TTC27: variants seen among roughly 807,000 people sequenced by gnomAD.
TTC27 encodes tetratricopeptide repeat protein 27.
TTC27 carries 79 observed loss-of-function variants against 115.9 expected under a neutral mutation model. That is an observed-to-expected ratio of 0.68 (90% confidence interval 0.57 to 0.82). The LOEUF is 0.82. Among genes scored for constraint, TTC27 ranks in the 40% least tolerant of loss-of-function variants. TTC27 has a pLI of 0.00. For missense variants in TTC27, 1,054 were observed against 993.1 expected, an observed-to-expected ratio of 1.06 and a Z score of -0.82; for synonymous variants, 401 against 356.0, an observed-to-expected ratio of 1.13 and a Z score of -1.42.
chr2:32,772,131 C>T (rs1669849666), intron 13 of TTC27, among the ~76,000 whole-genome samples: 2 of 152,038 alleles, frequency 1.3e-5, no homozygotes, highest in Non-Finnish European at 2.9e-5. Context: ...TTATCTATGC[C>T]AGTTGTCTAG....
chr2:32,696,414 C>G (rs1028409049), intron 9 of TTC27, among the ~76,000 whole-genome samples: 2 of 151,928 alleles, frequency 1.3e-5, no homozygotes, highest in South Asian at 4.2e-4. Flanking sequence ...CTCAGCCTCC[C>G]GGGTAGCTGG....
chr2:32,788,606 G>C (rs1670425437), intron 16 of TTC27, among the ~76,000 whole-genome samples: 1 of 152,148 alleles, frequency 6.6e-6, no homozygotes, highest in Non-Finnish European at 1.5e-5. Context: ...TTGTCTTTCT[G>C]TTGTGAGTGG....
intron 1 of TTC27, among the ~76,000 whole-genome samples, chr2:32,629,261 A>AC (rs1186661963): frequency 6.6e-6 from 1 of 151,668 alleles, no homozygotes; most frequent in Non-Finnish European, 1.5e-5. Flanking sequence ...AGCTGGGACT[A>AC]CAGGCATGCA....
At chr2:32,734,817 C>G (rs1339319069) in intron 11 of TTC27, among the ~76,000 whole-genome samples, 1 of 151,980 alleles carries the variant, frequency 6.6e-6, no homozygotes, top group Non-Finnish European at 1.5e-5. Flanking sequence ...GAAATTATAC[C>G]AGCTAATAAC....
chr2:32,765,489 G>C (rs1669595858), intron 13 of TTC27, among the ~76,000 whole-genome samples: 1 of 151,886 alleles, frequency 6.6e-6, no homozygotes, highest in Non-Finnish European at 1.5e-5. Context: ...AGTAGGTTTA[G>C]CCTAATTCTT....
intron 9 of TTC27, among the ~76,000 whole-genome samples, chr2:32,686,616 C>G (rs973380875): frequency 2.0e-5 from 3 of 152,078 alleles, no homozygotes; most frequent in African/African-American, 7.2e-5. Context: ...CCGCCTCAGC[C>G]TCCCAAAGTG....
At chr2:32,651,149 TC>T (rs1435051362) in intron 5 of TTC27, among the ~76,000 whole-genome samples, 1 of 152,208 alleles carries the variant, frequency 6.6e-6, no homozygotes, top group African/African-American at 2.4e-5. Context: ...AAGCCCAGAC[TC>T]CTTTCAGATC....
chr2:32,679,411 T>A (rs757972678), intron 9 of TTC27, among the ~76,000 whole-genome samples: 20 of 152,136 alleles, frequency 1.3e-4, no homozygotes, highest in Non-Finnish European at 2.4e-4. Context: ...TGGAGAAGAA[T>A]AGCAGTGAAA....
At chr2:32,690,446 C>A (rs1278274881) in intron 9 of TTC27, among the ~76,000 whole-genome samples, 1 of 151,996 alleles carries the variant, frequency 6.6e-6, no homozygotes, top group African/African-American at 2.4e-5. Context: ...AATACTAGGC[C>A]CTTTAAACTA....
rs372250506 is a variant in TTC27, at chr2:32,630,132, C to G, written c.89-391C>G. ...GAGTAAACCAGCGCTCTTGGAGTGA[C>G]TTTTCAAGAAGAGAAAATAATGGAG... On this transcript the variant is annotated intron_variant, in intron 1 of 19. Transcript: ENST00000317907. Among the ~76,000 whole-genome samples the G allele has an allele frequency of 2.4e-4, 36 of 152,264 alleles. No homozygotes were observed. In the East Asian group the frequency reaches 5.8e-3, roughly 24 times the overall value.
Position 32,630,548 on chromosome 2 carries a change from A to G in TTC27, c.114A>G (p.Leu38=), listed in dbSNP as rs2710623. 1,605,703 of 1,608,608 alleles carry G rather than the reference A, an allele frequency of 1. 801,439 individuals are homozygous for G. The highest frequency in any genetic ancestry group is 1 in the East Asian group (44,818 of 44,818). ...GSESGSFLQL[L]LEGNYEAIFL... ...AGAGTGGATCTTTCCTACAATTGCT[A>G]CTGGAAGGGAACTATGAAGCCATAT... Residue 38 remains leucine, a synonymous_variant, in exon 2 of 20, where the codon CTA becomes CTG. Transcript: ENST00000317907.
intron 3 of TTC27, among the ~76,000 whole-genome samples, chr2:32,639,005 T>C (rs1402126410): frequency 6.6e-6 from 1 of 152,094 alleles, no homozygotes; most frequent in Non-Finnish European, 1.5e-5. Context: ...GCTAATTTTT[T>C]GTAGTTTTAA....
At chr2:32,789,936 A>C (rs1243209369) in intron 16 of TTC27, among the ~76,000 whole-genome samples, 3 of 146,676 alleles carry the variant, frequency 2.0e-5, no homozygotes, top group Non-Finnish European at 3.0e-5. Flanking sequence ...AAAAAAAAAA[A>C]AAAAAAAAAA....
chr2:32,714,271 G>A (rs1411517889), intron 10 of TTC27, among the ~76,000 whole-genome samples: 1 of 150,286 alleles, frequency 6.7e-6, no homozygotes, highest in African/African-American at 2.5e-5. Flanking sequence ...CCATTCTCCT[G>A]CCTCAGTCTC....
At chr2:32,660,137 G>T (rs917973651) in intron 5 of TTC27, among the ~76,000 whole-genome samples, 1 of 152,132 alleles carries the variant, frequency 6.6e-6, no homozygotes, top group Non-Finnish European at 1.5e-5. Context: ...CACCGACAGA[G>T]TAAAAGTGTT....
chr2:32,768,266 T>C (rs1036231641), intron 13 of TTC27, among the ~76,000 whole-genome samples: 2 of 152,252 alleles, frequency 1.3e-5, no homozygotes, highest in Admixed American at 6.5e-5. Flanking sequence ...AATTTTGTTT[T>C]TGAAAATAAT....
At chr2:32,725,762 C>T (rs543758511) in intron 10 of TTC27, among the ~76,000 whole-genome samples, 85 of 152,320 alleles carry the variant, frequency 5.6e-4, no homozygotes, top group African/African-American at 1.9e-3. Context: ...TGGCTCCGAC[C>T]CCACATTTCC....
chr2:32,710,940 C>T lies in TTC27; in HGVS notation c.1233+8020C>T, dbSNP rs1015825868. On this transcript the variant is annotated intron_variant, in intron 10 of 19. Coordinates refer to ENST00000317907, the MANE Select transcript of TTC27 (RefSeq NM_017735.5). The stretch of plus-strand genomic sequence containing the variant: ...ACCAGCCTGGCCAACATGGTGAGAC[C>T]CCCATCTCTACTAAAAATACAAAAC... Among the ~76,000 whole-genome samples the T allele has an allele frequency of 2.7e-4, 41 of 150,376 alleles. 1 individual carries two copies. The highest frequency in any genetic ancestry group is 2.4e-3 in the Admixed American group (36 of 15,080).
At chr2:32,751,993 G>A (rs73922797) in intron 12 of TTC27, among the ~76,000 whole-genome samples, 25,176 of 152,122 alleles carry the variant, frequency 0.17, 2,507 homozygotes, top group South Asian at 0.35. Flanking sequence ...TGAAGTTTCA[G>A]GATCAGTCAG....
Sources: gnomAD v4.1 joint callset for allele counts (sites outside exome capture counted in the v4.1 genomes callset) on GRCh38, gnomAD v4.1.1 for gene constraint, MANE v1.5 for transcripts, NCBI Gene and HGNC (gene_info 2026-07-23, HGNC 2026-07-21) for gene names.